The following SMAD9 variants were observed in gnomAD, a reference collection of about 807,000 sequenced individuals.
SMAD9 encodes the protein MAD homolog 9.
In SMAD9, 36 loss-of-function variants were observed where a neutral mutation model predicts 46.1. The ratio of observed to expected loss-of-function variants is 0.78; its 90% CI spans 0.60 to 1.03. The LOEUF is 1.03. Among genes scored for constraint, SMAD9 ranks in the 50% least tolerant of loss-of-function variants. SMAD9 has a pLI of 0.00. For missense variants in SMAD9, 572 were observed against 599.8 expected, an observed-to-expected ratio of 0.95 and a Z score of 0.48; for synonymous variants, 245 against 237.1, an observed-to-expected ratio of 1.03 and a Z score of -0.31.
intron 1 of SMAD9, among the ~76,000 whole-genome samples, chr13:36,899,939 TCCAAAGGTTTGATTCACTCTAAGTA>T (rs2058560245): frequency 6.6e-6 from 1 of 152,156 alleles, no homozygotes; most frequent in Non-Finnish European, 1.5e-5. Context: ...CTCCAATCTC[TCCAAAGGTTTGATTCACTCTAAGTA>T]AAAGCCAGAA....
chr13:36,853,845 T>C (rs888645925), intron 5 of SMAD9, among the ~76,000 whole-genome samples, 170 bp from the exon 6 acceptor site: 1 of 152,108 alleles, frequency 6.6e-6, no homozygotes, highest in South Asian at 2.1e-4. Flanking sequence ...TAATCTGTGC[T>C]TTTTCCACAA....
At chr13:36,920,315 C>CCCGCCCGCCG (rs1555247437), upstream of SMAD9, 5 of 149,670 alleles carry the variant, frequency 3.3e-5, no homozygotes, top group Non-Finnish European at 6.0e-5. Flanking sequence ...GCGGCCCGCC[C>CCCGCCCGCCG]CCGCCCGCCG....
intron 4 of SMAD9, among the ~76,000 whole-genome samples, 160 bp from the exon 5 acceptor site, chr13:36,865,918 G>A (rs188107175): frequency 2.0e-5 from 3 of 152,292 alleles, no homozygotes; most frequent in East Asian, 3.9e-4. Flanking sequence ...GCTCTCATGG[G>A]AGCTGTTTGG....
At chr13:36,909,703 T>C (rs2058645138) in intron 1 of SMAD9, among the ~76,000 whole-genome samples, 1 of 152,184 alleles carries the variant, frequency 6.6e-6, no homozygotes, top group South Asian at 2.1e-4. Context: ...TTCAAGTAAT[T>C]AGTCACTTCC....
intron 1 of SMAD9, among the ~76,000 whole-genome samples, chr13:36,893,716 A>T (rs951732900): frequency 1.3e-5 from 2 of 151,898 alleles, no homozygotes; most frequent in Non-Finnish European, 2.9e-5. Flanking sequence ...AAAAAGAAAT[A>T]AAAACTAAAT....
chr13:36,883,665 G>A lies in SMAD9; in HGVS notation c.-186-3790C>T, dbSNP rs569830087. On this transcript the variant is annotated intron_variant, in intron 1 of 6. Coordinates refer to ENST00000379826, the MANE Select transcript of SMAD9 (RefSeq NM_001127217.3). ...TCTTGAAAGGCTGAGGTAGGAGGAC[G>A]GCTTGAGCCTGTGAATCGGAAGTTG... 3.9e-5 allele frequency among the ~76,000 whole-genome samples: 6 copies of A among 152,172 alleles called. No individual in the cohort carries two copies. The South Asian group carries it at 6.2e-4, about 16-fold the overall frequency.
At chr13:36,858,007 T>C (rs915467531) in intron 5 of SMAD9, among the ~76,000 whole-genome samples, 1 of 152,076 alleles carries the variant, frequency 6.6e-6, no homozygotes. Flanking sequence ...TAAACTCCAA[T>C]AGATGGGAAA....
upstream of SMAD9, among the ~76,000 whole-genome samples, chr13:36,920,442 G>A (rs2058737327): frequency 6.6e-6 from 1 of 151,694 alleles, no homozygotes; most frequent in Non-Finnish European, 1.5e-5. Context: ...CGCGGGGGTG[G>A]CGGGGTAGTA....
intron 5 of SMAD9, among the ~76,000 whole-genome samples, chr13:36,858,389 C>A (rs8001686): frequency 6.6e-6 from 1 of 152,198 alleles, no homozygotes; most frequent in South Asian, 2.1e-4. Flanking sequence ...CCTTTCCCAG[C>A]AGATGGCAGT....
At position 36,878,715 on chromosome 13, in the gene SMAD9, A is replaced by T. The variant is rs557205469; in HGVS notation, c.412+563T>A. ...AAACCCTGCCTTAGTTCAGTTTAGT[A>T]CAGTTCAGTTCAGTTGTTTGGGGCG... On this transcript the variant is annotated intron_variant, in intron 2 of 6. Coordinates refer to ENST00000379826, the MANE Select transcript of SMAD9 (RefSeq NM_001127217.3). Among the ~76,000 whole-genome samples the T allele has an allele frequency of 5.3e-5, 8 of 152,206 alleles. No individual in the cohort carries two copies. The South Asian group carries it at 6.2e-4, about 12-fold the overall frequency.
intron 5 of SMAD9, among the ~76,000 whole-genome samples, chr13:36,858,997 C>T (rs1274350018): frequency 6.6e-6 from 1 of 152,120 alleles, no homozygotes; most frequent in Non-Finnish European, 1.5e-5. Context: ...AGGTGTGAGC[C>T]ACCATGCTCA....
chr13:36,896,195 C>T (rs988298917), intron 1 of SMAD9, among the ~76,000 whole-genome samples: 9 of 152,006 alleles, frequency 5.9e-5, no homozygotes, highest in Non-Finnish European at 1.0e-4. Flanking sequence ...TGCAGTGGCA[C>T]GATCTCGGCT....
chr13:36,895,205 C>T (rs1022124213), intron 1 of SMAD9, among the ~76,000 whole-genome samples: 16 of 152,264 alleles, frequency 1.1e-4, no homozygotes, highest in African/African-American at 3.4e-4. Context: ...CCCATATGTA[C>T]CAATGATTTC....
rs377754213 is a variant in SMAD9, at chr13:36,868,858, G to T, written c.671-1475C>A. 3.3e-3 allele frequency among the ~76,000 whole-genome samples: 499 copies of T among 152,222 alleles called. 5 individuals carry two copies. The highest frequency in any genetic ancestry group is 0.011 in the African/African-American group (456 of 41,528). On this transcript the variant is annotated intron_variant, in intron 3 of 6. Transcript: ENST00000379826. ...TGTTATTTACTAGAGCCAAAAGGTGGGAACAATCCAAATATCCAACAGCTA... is the reference window on the plus strand; with the variant it reads ...TGTTATTTACTAGAGCCAAAAGGTGTGAACAATCCAAATATCCAACAGCTA...
chr13:36,861,018 T>G (rs2058176336), intron 5 of SMAD9, among the ~76,000 whole-genome samples: 1 of 152,254 alleles, frequency 6.6e-6, no homozygotes, highest in South Asian at 2.1e-4. Flanking sequence ...AGTCATAAGT[T>G]CAGTCCCTTT....
chr13:36,851,013 T>A (rs624770), intron 6 of SMAD9, among the ~76,000 whole-genome samples: 9,803 of 152,210 alleles, frequency 0.064, 664 homozygotes, highest in African/African-American at 0.16. Flanking sequence ...TGACTATTAC[T>A]ATAGCCTCCT....
At chr13:36,865,468 T>C (rs1322998250) in intron 5 of SMAD9, 69 bp downstream of exon 5, 3 of 1,314,246 alleles carry the variant, frequency 2.3e-6, no homozygotes, top group Non-Finnish European at 3.3e-6. Flanking sequence ...GGTGGTCACG[T>C]GCACTTCTAC....
intron 5 of SMAD9, among the ~76,000 whole-genome samples, chr13:36,863,932 A>G (rs2058207618): frequency 6.6e-6 from 1 of 152,186 alleles, no homozygotes. Context: ...CCTCAGCAGG[A>G]GCACCTTGAA....
At chr13:36,888,954 A>T (rs1006628316) in intron 1 of SMAD9, among the ~76,000 whole-genome samples, 5 of 152,142 alleles carry the variant, frequency 3.3e-5, no homozygotes, top group Non-Finnish European at 7.4e-5. Context: ...CCAGAGGAGA[A>T]GAAGGGTGGA....
Sources: gnomAD v4.1 joint callset for allele counts (sites outside exome capture counted in the v4.1 genomes callset) on GRCh38, gnomAD v4.1.1 for gene constraint, MANE v1.5 for transcripts, NCBI Gene and HGNC (gene_info 2026-07-23, HGNC 2026-07-21) for gene names.